Variants in PCDH20 observed in about 807,000 individuals in gnomAD.
PCDH20 encodes the protein protocadherin-20.
Under a neutral mutation model 39.7 loss-of-function variants are expected in PCDH20, and 18 were observed. The ratio of observed to expected loss-of-function variants is 0.45; its 90% CI spans 0.31 to 0.67. The LOEUF (loss-of-function observed/expected upper bound fraction) is 0.67, where lower values mean the gene tolerates loss of function less well. Among genes scored for constraint, PCDH20 ranks in the 30% least tolerant of loss-of-function variants. The probability of loss-of-function intolerance (pLI) is 0.05; values close to 1 mark genes in which losing one functional copy is unlikely to be tolerated. For synonymous variants in PCDH20, 495 were observed against 455.4 expected, an observed-to-expected ratio of 1.09 and a Z score of -1.11; for missense variants, 1,161 against 1,167.4, an observed-to-expected ratio of 0.99 and a Z score of 0.08.
chr13:61,412,246 G>A (rs1039026882), exon 2 of PCDH20: 3 of 1,613,950 alleles, frequency 1.9e-6, no homozygotes, highest in Non-Finnish European at 2.5e-6. Flanking sequence ...TGATTCTCTG[G>A]GTGGCTTCCC....
Position 61,409,889 on chromosome 13 carries a change from A to G in PCDH20, c.*1354T>C, listed in dbSNP as rs1018196236. 2.6e-5 allele frequency: 4 copies of G among 152,238 alleles called. No homozygotes were observed. The East Asian group carries it at 7.7e-4, about 29-fold the overall frequency. The allele number at this position is 152,238 out of a possible 1,614,324, so 9.4% of individuals were successfully genotyped here. A position where few individuals can be genotyped will look rare whatever the true frequency, so the allele number is the denominator to read the frequency against. ...AAATATATACCTTTAATTTGCAGACATATAAACACTTTTGGTACAGTACAG... is the reference window on the plus strand; with the variant it reads ...AAATATATACCTTTAATTTGCAGACGTATAAACACTTTTGGTACAGTACAG... On this transcript the variant is annotated 3_prime_UTR_variant, in exon 2 of 2. Transcript: ENST00000409204.
chr13:61,412,523 A>G (rs759279298), exon 2 of PCDH20: 43 of 1,614,046 alleles, frequency 2.7e-5, no homozygotes, highest in Non-Finnish European at 3.2e-5. Context: ...TTGTCATCTA[A>G]AAGTTGCACT....
At chr13:61,413,955 C>T in exon 2 of PCDH20, 3 of 1,606,274 alleles carry the variant, frequency 1.9e-6, no homozygotes, top group Non-Finnish European at 2.6e-6. Context: ...AGAGGAAAAA[C>T]AGAAACAGAT....
At chr13:61,413,678 G>A in exon 2 of PCDH20, 1 of 1,614,104 alleles carries the variant, frequency 6.2e-7, no homozygotes. Context: ...GCTGAAGTGT[G>A]CAGCTCCCCA....
chr13:61,411,912 T>A (rs1267532724), exon 2 of PCDH20: 2 of 1,614,118 alleles, frequency 1.2e-6, no homozygotes, highest in Non-Finnish European at 1.7e-6. Context: ...GAAGGAGAAT[T>A]GTGATTTTTG....
Position 61,413,455 on chromosome 13 carries a change from G to C in PCDH20, c.644C>G (p.Ser215Trp), listed in dbSNP as rs1286066617. The C allele has an allele frequency of 5.6e-6, 9 of 1,613,976 alleles. No individual in the cohort carries two copies. The East Asian group carries it at 2.0e-4, about 36-fold the overall frequency. The change falls in exon 2 of 2, where the codon TCG (serine) becomes TGG (tryptophan). Residue 215 changes from serine (S) to tryptophan (W), a missense_variant. This residue lies in a region of PCDH20 where 401 missense variants were observed against 368.7 expected (regional missense o/e 1.09). Transcript: ENST00000409204. Reference sequence around the variant, plus strand: ...AGGTGCATTTTCCGGGACCCACACCGAGATCTGGGAAACAGGGAACTGCGG... The same window carrying C: ...AGGTGCATTTTCCGGGACCCACACCCAGATCTGGGAAACAGGGAACTGCGG...
exon 2 of PCDH20, chr13:61,413,605 C>T: frequency 1.2e-6 from 2 of 1,614,208 alleles, no homozygotes; most frequent in Non-Finnish European, 1.7e-6. Context: ...GATGGAAACG[C>T]TGCCGCTCCA....
chr13:61,413,394 C>G (rs762341113), exon 2 of PCDH20: 2 of 1,614,030 alleles, frequency 1.2e-6, no homozygotes, highest in Admixed American at 3.3e-5. Context: ...CATCTGGGTC[C>G]ACAGCAGGAT....
chr13:61,414,231 A>G lies in PCDH20; in HGVS notation c.133-265T>C, dbSNP rs538954654. On this transcript the variant is annotated intron_variant, in intron 1 of 1. Transcript: ENST00000409204. ...CGTTTCCCCATCACCACCCTCATCC[A>G]GCTAACATTCAGAATCCCAAACCGT... 1.0e-3 allele frequency among the ~76,000 whole-genome samples: 152 copies of G among 151,866 alleles called. 1 individual carries two copies. Among genetic ancestry groups the G allele is most frequent in the African/African-American group, 3.4e-3 (140 of 41,384 alleles).
rs61749965 is a variant in PCDH20 at position 61,412,090 on chromosome 13, C to T, written c.2009G>A (p.Arg670Gln). The change falls in exon 2 of 2, where the codon CGA (arginine) becomes CAA (glutamine). Residue 670 changes from arginine (R) to glutamine (Q), a missense_variant. Transcript: ENST00000409204. ...CACAGAGAGGGCGACCCATCCATTT[C>T]GTCCAGCGTCAGCATCTGTTACACT... is the stretch of plus-strand genomic sequence containing the variant. 4,842 of 1,614,108 alleles carry T rather than the reference C, an allele frequency of 3.0e-3. 11 individuals are homozygous for T. Among genetic ancestry groups the T allele is most frequent in the Non-Finnish European group, 3.8e-3 (4,453 of 1,180,018 alleles).
At position 61,415,073 on chromosome 13, in the gene PCDH20, C is replaced by A; in HGVS notation, c.86G>T (p.Gly29Val). 6.3e-7 allele frequency: 1 copy of A among 1,579,412 alleles called. No homozygotes were observed. The highest frequency in any genetic ancestry group is 8.6e-7 in the Non-Finnish European group (1 of 1,161,516). Residue 29 changes from glycine (G) to valine (V), a missense_variant, in exon 1 of 2, where the codon GGG (glycine) becomes GTG (valine). Gly to Val is a moderately radical substitution (Grantham distance 109, BLOSUM62 -3). Around this residue, in one of 3 missense-constraint regions of PCDH20, gnomAD observed 401 missense variants for 368.7 expected, o/e 1.09. Coordinates refer to ENST00000409204, the Ensembl canonical transcript of PCDH20. ...GCTGCTCCTGGGACGATGTAGACGC[C>A]CCATATCCAGGCGCGGGTGCCAGGT...
At position 61,412,632 on chromosome 13, in the gene PCDH20, T is replaced by C. The variant is rs1878271105; in HGVS notation, c.1467A>G (p.Leu489=). 3 of 1,614,156 alleles carry C rather than the reference T, an allele frequency of 1.9e-6. No homozygotes were observed. The Middle Eastern group carries it at 4.9e-4, about 266-fold the overall frequency. ...CATAGTCCATAGGTTTTGTGGTCTC[T>C]AGTAAATATTCATTATTGTATGGTT... Residue 489 remains leucine (L), a synonymous_variant, in exon 2 of 2, where the codon CTA becomes CTG. Coordinates refer to ENST00000409204, the Ensembl canonical transcript of PCDH20.
exon 2 of PCDH20, chr13:61,412,224 C>T (rs1417029827): frequency 1.9e-6 from 3 of 1,614,010 alleles, no homozygotes; most frequent in Admixed American, 1.7e-5. Flanking sequence ...CTGTGAGGGC[C>T]ACAGTGGCTA....
At chr13:61,413,299 T>A in exon 2 of PCDH20, 1 of 1,614,092 alleles carries the variant, frequency 6.2e-7, no homozygotes. Flanking sequence ...GGGGGTGCGC[T>A]CCCCATTCTC....
At position 61,413,757 on chromosome 13, in the gene PCDH20, G is replaced by T. The variant is rs752568543; in HGVS notation, c.342C>A (p.Asn114Lys). Residue 114 changes from asparagine to lysine, a missense_variant, in exon 2 of 2, where the codon AAC becomes AAA. Physicochemically the swap from Asn to Lys is moderately conservative, Grantham distance 94. Transcript: ENST00000409204. ...AGGCCAGGCTGAAGGAGAGAGGGGG[G>T]TTCCACTCAGCACCGGTGCGCTCTG... 92 of 1,613,670 alleles carry T rather than the reference G, an allele frequency of 5.7e-5. No individual in the cohort carries two copies. Among genetic ancestry groups the T allele is most frequent in the Non-Finnish European group, 7.2e-5 (85 of 1,179,902 alleles).
At chr13:61,411,619 T>C (rs775871253) in exon 2 of PCDH20, 2 of 1,614,204 alleles carry the variant, frequency 1.2e-6, no homozygotes, top group Non-Finnish European at 1.7e-6. Flanking sequence ...GGGATAACCA[T>C]GATCACTCAC....
intron 1 of PCDH20, among the ~76,000 whole-genome samples, chr13:61,414,438 TG>T (rs1189922929): frequency 2.1e-4 from 32 of 152,228 alleles, no homozygotes; most frequent in Admixed American, 1.1e-3. Flanking sequence ...GAACACGCAG[TG>T]TGTTACATCC....
exon 1 of PCDH20, chr13:61,415,170 C>CT (rs750162246): frequency 1.4e-6 from 2 of 1,408,318 alleles, no homozygotes; most frequent in Non-Finnish European, 1.9e-6. Context: ...CCCTGGGAGG[C>CT]TGCAGTCAGA....
chr13:61,411,938 C>T (rs1168079212), exon 2 of PCDH20: 1 of 1,614,096 alleles, frequency 6.2e-7, no homozygotes, highest in Non-Finnish European at 8.5e-7. Context: ...GAGGAGAGGG[C>T]AGGCTCACCC....
Sources: gnomAD v4.1 joint callset for allele counts (sites outside exome capture counted in the v4.1 genomes callset) on GRCh38, gnomAD v4.1.1 for gene constraint, gnomAD v4.1.1 regional missense constraint, MANE v1.5 for transcripts, NCBI Gene and HGNC (gene_info 2026-07-23, HGNC 2026-07-21) for gene names.